The following ABCB11 variants were observed in gnomAD, a reference collection of about 807,000 sequenced individuals.
The protein encoded by ABCB11 is bile salt export pump.
ABCB11 carries 95 observed loss-of-function variants against 148.0 expected under a neutral mutation model. The observed-to-expected ratio is 0.64, with a 90% CI of 0.54 to 0.76. ABCB11 has a LOEUF of 0.76. Ranked by LOEUF, ABCB11 falls within the 30% of genes least tolerant of loss-of-function variation. The pLI, the probability that ABCB11 is intolerant of heterozygous loss-of-function variation, is 0.00. For synonymous variants in ABCB11, 591 were observed against 555.4 expected, an observed-to-expected ratio of 1.06 and a Z score of -0.90; for missense variants, 1,523 against 1,617.8, an observed-to-expected ratio of 0.94 and a Z score of 1.01.
downstream of ABCB11, among the ~76,000 whole-genome samples, chr2:168,919,583 C>A (rs150202830): frequency 7.4e-4 from 112 of 152,002 alleles, no homozygotes; most frequent in Non-Finnish European, 1.3e-3. Flanking sequence ...GTCATCTGTT[C>A]TTACATCCCA....
intron 1 of ABCB11, among the ~76,000 whole-genome samples, chr2:169,030,899 G>A (rs951096918): frequency 3.3e-5 from 5 of 152,148 alleles, no homozygotes; most frequent in Non-Finnish European, 7.4e-5. Flanking sequence ...TAAAAAAGAA[G>A]CCCACTGGTA....
intron 5 of ABCB11, among the ~76,000 whole-genome samples, chr2:169,012,749 A>AG (rs964574738): frequency 6.9e-6 from 1 of 144,316 alleles, no homozygotes; most frequent in African/African-American, 2.6e-5. Flanking sequence ...AAAAAAAAAA[A>AG]AAAAAGAAAA....
At chr2:169,028,203 T>C (rs1695758162) in intron 1 of ABCB11, among the ~76,000 whole-genome samples, 1 of 151,912 alleles carries the variant, frequency 6.6e-6, no homozygotes, top group Admixed American at 6.6e-5. Context: ...AGGACCTGAT[T>C]TACCTACCCT....
rs751215078 is a variant in ABCB11, at chr2:169,013,420, G to A, written c.241C>T (p.Leu81Phe). The change falls in exon 5 of 28, where the codon CTC becomes TTC. Residue 81 changes from leucine to phenylalanine, a missense_variant. By Grantham distance (22) the Leu-to-Phe change is conservative. Coordinates refer to ENST00000650372, the MANE Select transcript of ABCB11 (RefSeq NM_003742.4). ...ACATCTGTCATTGTGCCAAAAATGA[G>A]TAGCACGCCTGGCTGGGCTATTCCA... ...LHGIAQPGVLLIFGTMTDVFI... is the reference protein window; with the variant it reads ...LHGIAQPGVLFIFGTMTDVFI... The A allele has an allele frequency of 1.2e-5, 20 of 1,613,708 alleles. No homozygotes were observed. In the Middle Eastern group the frequency reaches 6.6e-4, roughly 53 times the overall value.
intron 21 of ABCB11, among the ~76,000 whole-genome samples, chr2:168,943,767 C>T (rs956894169): frequency 7.2e-6 from 1 of 138,516 alleles, no homozygotes; most frequent in Non-Finnish European, 1.6e-5. Context: ...GTTGAGACTA[C>T]AGTACAGCAC....
chr2:168,938,855 A>G (rs944888370), intron 21 of ABCB11, among the ~76,000 whole-genome samples: 2 of 152,116 alleles, frequency 1.3e-5, no homozygotes, highest in Non-Finnish European at 2.9e-5. Context: ...AAATAATACA[A>G]CCTAAGACAC....
chr2:168,991,403 C>A (rs1694516738), intron 8 of ABCB11, among the ~76,000 whole-genome samples: 1 of 152,006 alleles, frequency 6.6e-6, no homozygotes, highest in South Asian at 2.1e-4. Context: ...AAAGAAAGTC[C>A]ATTTTCACTC....
chr2:169,010,460 GA>G (rs934264757), intron 5 of ABCB11, among the ~76,000 whole-genome samples: 1 of 152,060 alleles, frequency 6.6e-6, no homozygotes, highest in Non-Finnish European at 1.5e-5. Flanking sequence ...TTGACATGTG[GA>G]AACCAATATA....
chr2:168,958,916 G>A (rs932769993), intron 18 of ABCB11, among the ~76,000 whole-genome samples: 1 of 151,642 alleles, frequency 6.6e-6, no homozygotes, highest in African/African-American at 2.4e-5. Context: ...TACCCACTTT[G>A]AGAAAGGATT....
chr2:168,962,113 G>A (rs17267730), intron 18 of ABCB11, among the ~76,000 whole-genome samples: 4,910 of 151,478 alleles, frequency 0.032, 113 homozygotes, highest in Middle Eastern at 0.062. Flanking sequence ...AAACCTAAAG[G>A]ACTAACAAAA....
chr2:168,923,906 T>C, intron 27 of ABCB11, 84 bp from the exon 28 acceptor site: 4 of 1,314,802 alleles, frequency 3.0e-6, no homozygotes, highest in Non-Finnish European at 4.3e-6. Flanking sequence ...TAACACGACC[T>C]GAATAACAAT....
chr2:169,003,150 T>C (rs909749341), intron 5 of ABCB11, among the ~76,000 whole-genome samples: 7 of 151,910 alleles, frequency 4.6e-5, no homozygotes, highest in Non-Finnish European at 1.5e-5. Flanking sequence ...AATGTATCAT[T>C]CTCATGCCTT....
In ABCB11 at chr2:169,013,252, TA is replaced by T. The variant is rs1464064919; in HGVS notation, c.389+19del. ...AGATATGAGCAAAAAAGTAAAAAAT[TA>T]AAAACAAAAACAACCTACCCACAAC... On this transcript the variant is annotated intron_variant, in intron 5 of 27. Coordinates refer to ENST00000650372, the MANE Select transcript of ABCB11 (RefSeq NM_003742.4). 1.9e-6 allele frequency: 3 copies of T among 1,569,358 alleles called. No individual in the cohort carries two copies. Among genetic ancestry groups the T allele is most frequent in the African/African-American group, 2.7e-5 (2 of 73,056 alleles).
chr2:168,921,158 T>C lies in ABCB11; in HGVS notation c.*2464A>G, dbSNP rs1281971704. ...ACTTACTCGTCATTGCCATTTTTCA[T>C]AACCAGAATGCATTCCTTCACCGTC... is the stretch of plus-strand genomic sequence containing the variant. On this transcript the variant is annotated 3_prime_UTR_variant, in exon 28 of 28. Coordinates refer to ENST00000650372, the MANE Select transcript of ABCB11 (RefSeq NM_003742.4). Among the ~76,000 whole-genome samples the C allele has an allele frequency of 2.0e-5, 3 of 152,240 alleles. No individual in the cohort carries two copies. The highest frequency in any genetic ancestry group is 4.4e-5 in the Non-Finnish European group (3 of 68,046).
In ABCB11 at chr2:168,941,077, G is replaced by A. The variant is rs1258176543; in HGVS notation, c.2610+3528C>T. Among the ~76,000 whole-genome samples, 3 of 152,040 alleles carry A rather than the reference G, an allele frequency of 2.0e-5. No homozygotes were observed. The East Asian group carries it at 5.8e-4, about 29-fold the overall frequency. On this transcript the variant is annotated intron_variant, in intron 21 of 27. Transcript: ENST00000650372. Reference sequence around the variant, plus strand: ...CAAGGAGATGAATGTTGTTGTGCTTGTTAACCCAACATGAATTCTGCTGCC... The same window carrying A: ...CAAGGAGATGAATGTTGTTGTGCTTATTAACCCAACATGAATTCTGCTGCC...
chr2:169,023,314 C>T (rs548348045), intron 1 of ABCB11, among the ~76,000 whole-genome samples: 1 of 152,282 alleles, frequency 6.6e-6, no homozygotes, highest in South Asian at 2.1e-4. Context: ...ATAAAACCTC[C>T]CAACAGCCTC....
intron 21 of ABCB11, among the ~76,000 whole-genome samples, chr2:168,942,172 T>C (rs1692092972): frequency 6.6e-6 from 1 of 151,812 alleles, no homozygotes; most frequent in Non-Finnish European, 1.5e-5. Flanking sequence ...AAAGATCTCA[T>C]TCAAAATAGT....
At chr2:169,015,979 G>A (rs1435384007) in intron 3 of ABCB11, among the ~76,000 whole-genome samples, 1 of 152,124 alleles carries the variant, frequency 6.6e-6, no homozygotes, top group Admixed American at 6.5e-5. Context: ...TTTCTCTGCG[G>A]ATTGCTCCCA....
intron 21 of ABCB11, among the ~76,000 whole-genome samples, chr2:168,943,213 C>T (rs1029630382): frequency 7.2e-5 from 11 of 151,932 alleles, no homozygotes; most frequent in East Asian, 1.9e-4. Context: ...ATTTATTTAG[C>T]CTAAATTCAA....
Sources: allele counts gnomAD v4.1 joint callset (sites outside exome capture counted in the v4.1 genomes callset), GRCh38; gene constraint gnomAD v4.1.1; transcripts MANE v1.5; gene names NCBI Gene and HGNC (gene_info 2026-07-23, HGNC 2026-07-21).